The following SPMIP11 variants were observed in gnomAD, a reference collection of about 807,000 sequenced individuals.
The protein encoded by SPMIP11 is sperm microtubule inner protein 11, also known as long intergenic non-protein coding RNA 935.
chr12:48,761,664 AAAATAC>A, the SPMIP11 span, among the ~76,000 whole-genome samples: 1 of 151,742 alleles, frequency 6.6e-6, no homozygotes, highest in Non-Finnish European at 1.5e-5. Flanking sequence ...AAGCTGATAA[AAAATAC>A]AAATAAAAAT....
At chr12:48,750,223 C>T in the SPMIP11 span, among the ~76,000 whole-genome samples, 9 of 152,136 alleles carry the variant, frequency 5.9e-5, no homozygotes, top group East Asian at 1.7e-3. Context: ...CATAGTGGCA[C>T]GCACCTTTAG....
At chr12:48,768,527 G>A in the SPMIP11 span, 1 of 1,612,470 alleles carries the variant, frequency 6.2e-7, no homozygotes, top group Non-Finnish European at 8.5e-7. Flanking sequence ...GCTCCACCCA[G>A]TGAGCACAGA....
chr12:48,765,895 C>T, the SPMIP11 span: 2 of 499,646 alleles, frequency 4.0e-6, no homozygotes, highest in Non-Finnish European at 7.2e-6. Flanking sequence ...ATAAGCCAGA[C>T]CTTGGAGTGA....
At chr12:48,760,822 G>A in the SPMIP11 span, among the ~76,000 whole-genome samples, 1 of 152,168 alleles carries the variant, frequency 6.6e-6, no homozygotes, top group African/African-American at 2.4e-5. Context: ...CCGCCACTTA[G>A]GGCCCCTCAT....
the SPMIP11 span, among the ~76,000 whole-genome samples, chr12:48,742,385 G>A: frequency 2.0e-5 from 3 of 147,620 alleles, no homozygotes; most frequent in Non-Finnish European, 4.5e-5. Flanking sequence ...AGGTTCAAGC[G>A]ATCCTCCTGC....
At chr12:48,738,195 A>G in the SPMIP11 span, among the ~76,000 whole-genome samples, 1 of 152,060 alleles carries the variant, frequency 6.6e-6, no homozygotes, top group Admixed American at 6.6e-5. Context: ...TTATCTTGCA[A>G]CCTTGTGTTA....
At chr12:48,736,428 A>AT in the SPMIP11 span, among the ~76,000 whole-genome samples, 3 of 151,572 alleles carry the variant, frequency 2.0e-5, no homozygotes, top group African/African-American at 7.3e-5. Flanking sequence ...AAAAAAAAAA[A>AT]AAAAAAAGAA....
chr12:48,736,048 A>C, the SPMIP11 span: 9 of 446,132 alleles, frequency 2.0e-5, no homozygotes, highest in African/African-American at 1.2e-4. Context: ...AAGCCAAATA[A>C]TGTCACTGTA....
At chr12:48,732,265 G>T in the SPMIP11 span, among the ~76,000 whole-genome samples, 1 of 151,834 alleles carries the variant, frequency 6.6e-6, no homozygotes, top group South Asian at 2.1e-4. Context: ...TCTGGGACAA[G>T]AATTTAGTGA....
chr12:48,748,683 C>T, the SPMIP11 span, among the ~76,000 whole-genome samples: 8 of 152,194 alleles, frequency 5.3e-5, no homozygotes, highest in Non-Finnish European at 1.0e-4. Context: ...TTCTTCAAAC[C>T]TCCAACACCT....
chr12:48,743,258 G>C, the SPMIP11 span, among the ~76,000 whole-genome samples: 5 of 151,774 alleles, frequency 3.3e-5, no homozygotes, highest in Non-Finnish European at 5.9e-5. Context: ...GTCAGGCGTG[G>C]TGGCAGGCAC....
chr12:48,747,020 T>C, the SPMIP11 span, among the ~76,000 whole-genome samples: 1 of 152,184 alleles, frequency 6.6e-6, no homozygotes, highest in African/African-American at 2.4e-5. Context: ...CTTCAGATGG[T>C]ACAGTTTTCT....
At chr12:48,736,126 C>T in the SPMIP11 span, 1 of 451,084 alleles carries the variant, frequency 2.2e-6, no homozygotes, top group Non-Finnish European at 4.5e-6. Context: ...AATTCCTGGC[C>T]TCCATGGTAG....
the SPMIP11 span, chr12:48,767,393 T>G: frequency 6.6e-6 from 1 of 152,600 alleles, no homozygotes; most frequent in Non-Finnish European, 1.5e-5. Flanking sequence ...TGGGCATCTC[T>G]CTACATCCCC....
the SPMIP11 span, among the ~76,000 whole-genome samples, chr12:48,740,950 T>C: frequency 6.6e-6 from 1 of 152,026 alleles, no homozygotes; most frequent in African/African-American, 2.4e-5. Context: ...TAATGTCTTT[T>C]AGAGCAAAAT....
At chr12:48,769,392 G>T in the SPMIP11 span, among the ~76,000 whole-genome samples, 1 of 131,158 alleles carries the variant, frequency 7.6e-6, no homozygotes, top group Non-Finnish European at 1.6e-5. Flanking sequence ...CTCTAGCCTG[G>T]TACAGAGCAA....
the SPMIP11 span, among the ~76,000 whole-genome samples, chr12:48,736,700 T>C: frequency 1.6e-5 from 1 of 61,370 alleles, no homozygotes; most frequent in African/African-American, 7.4e-5. Context: ...GGGTCGCATG[T>C]TTTTTTTTTT....
chr12:48,738,972 T>C, the SPMIP11 span, among the ~76,000 whole-genome samples: 1 of 152,118 alleles, frequency 6.6e-6, no homozygotes, highest in African/African-American at 2.4e-5. Context: ...AAGAACATTT[T>C]ACCTTGGTTA....
the SPMIP11 span, among the ~76,000 whole-genome samples, chr12:48,730,770 T>C: frequency 5.3e-5 from 8 of 152,092 alleles, no homozygotes; most frequent in African/African-American, 1.7e-4. Flanking sequence ...AAACTCCACC[T>C]CTACTAAAAA....
Sources: gnomAD v4.1 joint callset for allele counts (sites outside exome capture counted in the v4.1 genomes callset) on GRCh38, gnomAD v4.1.1 for gene constraint, MANE v1.5 for transcripts, NCBI Gene and HGNC (gene_info 2026-07-23, HGNC 2026-07-21) for gene names.